RUNDC3B: variants seen among roughly 807,000 people sequenced by gnomAD.
The protein encoded by RUNDC3B is RUN domain containing 3B, also known as RUN domain-containing protein 3B.
A neutral mutation model predicts 58.4 loss-of-function variants in RUNDC3B; 33 were observed. That is an observed-to-expected ratio of 0.56 (90% CI 0.43 to 0.75). The LOEUF (loss-of-function observed/expected upper bound fraction) is 0.75. Among genes scored for constraint, RUNDC3B ranks in the 30% least tolerant of loss-of-function variants. The probability of loss-of-function intolerance (pLI) is 0.00; values close to 1 mark genes in which losing one functional copy is unlikely to be tolerated. For missense variants in RUNDC3B, 501 were observed against 535.7 expected (o/e 0.94, Z 0.64); for synonymous variants, 193 against 195.2 (o/e 0.99, Z 0.10).
intron 2 of RUNDC3B, among the ~76,000 whole-genome samples, chr7:87,667,457 C>G (rs2130493825): frequency 6.6e-6 from 1 of 151,722 alleles, no homozygotes; most frequent in Admixed American, 6.6e-5. Flanking sequence ...TTAACTTTCT[C>G]TTTTCCTATT....
chr7:87,702,268 T>C (rs1829155229), intron 3 of RUNDC3B, among the ~76,000 whole-genome samples: 1 of 151,326 alleles, frequency 6.6e-6, no homozygotes. Flanking sequence ...TTTATTGTTT[T>C]ATTTTATTTT....
chr7:87,673,144 A>G (rs537668340), intron 2 of RUNDC3B, among the ~76,000 whole-genome samples: 12 of 152,162 alleles, frequency 7.9e-5, no homozygotes, highest in Non-Finnish European at 1.3e-4. Flanking sequence ...TGCTGCCTTT[A>G]ACATTTTTTC....
chr7:87,761,014 A>G (rs13438394), intron 6 of RUNDC3B, among the ~76,000 whole-genome samples: 14,895 of 152,052 alleles, frequency 0.098, 881 homozygotes, highest in African/African-American at 0.17. Flanking sequence ...CATTATCAAA[A>G]GATACCATCA....
intron 1 of RUNDC3B, among the ~76,000 whole-genome samples, chr7:87,643,883 T>G (rs928406495): frequency 8.0e-5 from 12 of 150,644 alleles, no homozygotes; most frequent in African/African-American, 2.9e-4. Context: ...TTTTTTTGTT[T>G]GTTTCCGCTC....
chr7:87,639,153 CAAAAAA>C (rs71117547), intron 1 of RUNDC3B, among the ~76,000 whole-genome samples: 4 of 87,732 alleles, frequency 4.6e-5, no homozygotes, highest in Admixed American at 2.9e-4. Flanking sequence ...GACTCCGTCT[CAAAAAA>C]AAAAAAAAAA....
In RUNDC3B at chr7:87,628,861, G is replaced by C. The variant is rs1820882048; in HGVS notation, c.38G>C (p.Arg13Pro). ...SRSLGGLSGIRGGGGGGGKKS... is the reference protein window; with the variant it reads ...SRSLGGLSGIPGGGGGGGKKS... ...AGCCTGGGGGGCCTGAGCGGGATCC[G>C]CGGCGGTGGCGGCGGAGGCGGCAAG... The change falls in exon 1 of 11, where the codon CGC becomes CCC. Residue 13 changes from arginine (R) to proline (P), a missense_variant. Transcript: ENST00000394654. The C allele has an allele frequency of 4.7e-6, 6 of 1,277,448 alleles. No individual in the cohort carries two copies. The highest frequency in any genetic ancestry group is 2.1e-4 in the Middle Eastern group (1 of 4,722). 79.1% of individuals were successfully genotyped at this position (1,277,448 alleles called of 1,614,324 possible). A position where few individuals can be genotyped will look rare whatever the true frequency, so the allele number is the denominator to read the frequency against.
At chr7:87,667,260 A>G (rs1825350676) in intron 2 of RUNDC3B, among the ~76,000 whole-genome samples, 1 of 151,954 alleles carries the variant, frequency 6.6e-6, no homozygotes, top group Non-Finnish European at 1.5e-5. Flanking sequence ...TGTGAGTGGG[A>G]TTGCCATTCT....
At chr7:87,686,965 A>AG (rs1554465747) in intron 2 of RUNDC3B, among the ~76,000 whole-genome samples, 1 of 151,536 alleles carries the variant, frequency 6.6e-6, no homozygotes, top group African/African-American at 2.4e-5. Context: ...AAAAAAAAAA[A>AG]GAAAGAAAAG....
chr7:87,639,654 A>G (rs1011404092), intron 1 of RUNDC3B, among the ~76,000 whole-genome samples: 2 of 152,096 alleles, frequency 1.3e-5, no homozygotes, highest in Non-Finnish European at 2.9e-5. Context: ...ATTATCTCTA[A>G]TAATGCTAGT....
intron 8 of RUNDC3B, among the ~76,000 whole-genome samples, chr7:87,797,747 G>A (rs924864282): frequency 6.6e-6 from 1 of 152,138 alleles, no homozygotes; most frequent in Non-Finnish European, 1.5e-5. Flanking sequence ...AGACACTGAT[G>A]TCCTACCTCT....
intron 4 of RUNDC3B, among the ~76,000 whole-genome samples, chr7:87,726,541 G>C (rs1379617103): frequency 2.0e-5 from 3 of 152,158 alleles, no homozygotes; most frequent in African/African-American, 4.8e-5. Flanking sequence ...CTCCAGCTTT[G>C]TTCTTTTGGC....
At chr7:87,794,212 G>A (rs925718192) in intron 8 of RUNDC3B, among the ~76,000 whole-genome samples, 17 of 152,210 alleles carry the variant, frequency 1.1e-4, no homozygotes, top group East Asian at 3.9e-4. Flanking sequence ...CGAGGTGGGC[G>A]GATCACAAGG....
At chr7:87,747,353 A>T (rs1013257953) in intron 6 of RUNDC3B, among the ~76,000 whole-genome samples, 1 of 152,124 alleles carries the variant, frequency 6.6e-6, no homozygotes, top group African/African-American at 2.4e-5. Flanking sequence ...AGCCGTGGAT[A>T]CCAGCGCCTG....
intron 6 of RUNDC3B, among the ~76,000 whole-genome samples, chr7:87,751,825 G>A (rs1833012245): frequency 1.3e-5 from 2 of 152,084 alleles, no homozygotes; most frequent in Non-Finnish European, 2.9e-5. Flanking sequence ...TGCAAACAGG[G>A]ACAATTTGAC....
chr7:87,751,219 G>A (rs1000887112), intron 6 of RUNDC3B, among the ~76,000 whole-genome samples: 1 of 152,052 alleles, frequency 6.6e-6, no homozygotes, highest in Non-Finnish European at 1.5e-5. Context: ...TGAGGGCTCT[G>A]TTCTGTTCCA....
chr7:87,785,377 G>C (rs1334394655), intron 8 of RUNDC3B, among the ~76,000 whole-genome samples: 1 of 152,048 alleles, frequency 6.6e-6, no homozygotes, highest in East Asian at 1.9e-4. Flanking sequence ...TGTTCTGAGT[G>C]GGGGCTCCCT....
intron 8 of RUNDC3B, among the ~76,000 whole-genome samples, chr7:87,801,018 G>A (rs1836119424): frequency 6.6e-6 from 1 of 152,118 alleles, no homozygotes; most frequent in Non-Finnish European, 1.5e-5. Flanking sequence ...TTTTGTGCAT[G>A]ATACAAAATT....
intron 1 of RUNDC3B, among the ~76,000 whole-genome samples, chr7:87,630,602 C>A (rs1034172937): frequency 6.6e-6 from 1 of 151,390 alleles, no homozygotes; most frequent in African/African-American, 2.4e-5. Context: ...TACAGTGCTT[C>A]TTGGGGGGTA....
intron 1 of RUNDC3B, among the ~76,000 whole-genome samples, chr7:87,643,763 G>T (rs1261079462): frequency 6.6e-6 from 1 of 152,102 alleles, no homozygotes; most frequent in Non-Finnish European, 1.5e-5. Flanking sequence ...CTGAGCTCAG[G>T]CAATCTGCCT....
Sources: gnomAD v4.1 joint callset for allele counts (sites outside exome capture counted in the v4.1 genomes callset) on GRCh38, gnomAD v4.1.1 for gene constraint, MANE v1.5 for transcripts, NCBI Gene and HGNC (gene_info 2026-07-23, HGNC 2026-07-21) for gene names.